CSN2: variants seen among roughly 807,000 people sequenced by gnomAD.
CSN2 encodes beta-casein.
CSN2 carries 27 observed loss-of-function variants against 27.3 expected under a neutral mutation model. The observed-to-expected ratio is 0.99, with a 90% CI of 0.73 to 1.36. The LOEUF is 1.36. Among genes scored for constraint, CSN2 ranks in the 40% most tolerant of loss-of-function variants. The pLI is 0.00. For missense variants in CSN2, 333 were observed against 264.5 expected (o/e 1.26, Z -1.80); for synonymous variants, 131 against 94.8 (o/e 1.38, Z -2.22).
Position 69,957,431 on chromosome 4 carries a change from T to C in CSN2, c.518A>G (p.Gln173Arg). 6.2e-7 allele frequency: 1 copy of C among 1,613,472 alleles called. No homozygotes were observed. Residue 173 changes from glutamine (Q) to arginine (R), a missense_variant, in exon 6 of 8, where the codon CAG becomes CGG. By Grantham distance (43) the Gln-to-Arg change is conservative (BLOSUM62 1). Transcript: ENST00000353151. ...CTGGGGGATAGGCAGGACTTTGGGC[T>C]GAGGAACAGACCACAGGGGCTGAGG... ...LPPQPLWSVP[Q>R]PKVLPIPQQV...
chr4:69,960,180 C>G (rs917811067), intron 2 of CSN2, 101 bp from the exon 3 acceptor site: 3 of 1,042,602 alleles, frequency 2.9e-6, no homozygotes, highest in Middle Eastern at 2.3e-4. Context: ...ATAATCTCAC[C>G]TCAGAGGATG....
intron 1 of CSN2, among the ~76,000 whole-genome samples, 102 bp downstream of exon 1, chr4:69,965,579 C>T (rs1354708679): frequency 1.3e-5 from 2 of 151,298 alleles, no homozygotes; most frequent in African/African-American, 4.9e-5. Flanking sequence ...ACTTTTATTT[C>T]AAACACTATA....
intron 3 of CSN2, among the ~76,000 whole-genome samples, chr4:69,959,630 T>A (rs975899208): frequency 5.9e-5 from 9 of 152,222 alleles, no homozygotes; most frequent in African/African-American, 1.9e-4. Context: ...AATTATAAAA[T>A]GTGTCCTTTT....
intron 5 of CSN2, among the ~76,000 whole-genome samples, chr4:69,958,390 A>G (rs1723469746): frequency 1.3e-5 from 2 of 152,076 alleles, no homozygotes; most frequent in South Asian, 4.1e-4. Flanking sequence ...TTTAAATTTG[A>G]TTTTAGAAAT....
chr4:69,962,186 C>G (rs1363847839), intron 1 of CSN2, among the ~76,000 whole-genome samples: 2 of 152,110 alleles, frequency 1.3e-5, no homozygotes, highest in African/African-American at 2.4e-5. Flanking sequence ...TCAATGCCAT[C>G]CCCATTAAGC....
At chr4:69,959,739 T>C (rs1032498860) in intron 3 of CSN2, among the ~76,000 whole-genome samples, 5 of 151,864 alleles carry the variant, frequency 3.3e-5, no homozygotes, top group Non-Finnish European at 5.9e-5. Context: ...GTCTGACCCA[T>C]AGAAGGCCGT....
At chr4:69,957,198 T>C in intron 6 of CSN2, 76 bp downstream of exon 6, 1 of 1,375,576 alleles carries the variant, frequency 7.3e-7, no homozygotes, top group Non-Finnish European at 9.8e-7. Flanking sequence ...ATTCATTTAC[T>C]CTACATTTAT....
chr4:69,958,466 T>A (rs1352008902), intron 5 of CSN2, among the ~76,000 whole-genome samples: 1 of 152,164 alleles, frequency 6.6e-6, no homozygotes, highest in Non-Finnish European at 1.5e-5. Flanking sequence ...TGGGTAAACA[T>A]ATCACCATAA....
intron 1 of CSN2, among the ~76,000 whole-genome samples, chr4:69,962,347 C>T (rs1344363162): frequency 6.6e-6 from 1 of 152,132 alleles, no homozygotes; most frequent in Non-Finnish European, 1.5e-5. Context: ...TACAAGGCTA[C>T]AGTAACCAAA....
intron 1 of CSN2, among the ~76,000 whole-genome samples, chr4:69,961,922 A>C (rs967944134): frequency 1.3e-5 from 2 of 152,206 alleles, no homozygotes; most frequent in Admixed American, 1.3e-4. Context: ...AATCACAAGC[A>C]TTCATATACA....
Position 69,957,454 on chromosome 4 carries a change from A to T in CSN2, c.495T>A (p.Pro165=), listed in dbSNP as rs768798471. The T allele has an allele frequency of 6.2e-7, 1 of 1,613,690 alleles. No homozygotes were observed. The highest frequency in any genetic ancestry group is 8.5e-7 in the Non-Finnish European group (1 of 1,179,912). The change falls in exon 6 of 8, where the codon CCT becomes CCA. Residue 165 remains proline, a synonymous_variant. Coordinates refer to ENST00000353151, the MANE Select transcript of CSN2 (RefSeq NM_001891.4). ...GCTGAGGAACAGACCACAGGGGCTG[A>T]GGGGGAAGTGCAAGAGTCTGAGGAA... ...QPIPQTLALP[P]QPLWSVPQPK... is the part of the protein sequence containing the mutation.
chr4:69,959,812 T>C (rs1560398433), intron 3 of CSN2, among the ~76,000 whole-genome samples: 2 of 151,564 alleles, frequency 1.3e-5, no homozygotes, highest in Non-Finnish European at 2.9e-5. Context: ...AACAGGACAA[T>C]ATGGTTCATT....
At chr4:69,961,292 C>A (rs1222544850) in intron 1 of CSN2, among the ~76,000 whole-genome samples, 3 of 151,998 alleles carry the variant, frequency 2.0e-5, no homozygotes, top group East Asian at 1.9e-4. Flanking sequence ...TTAAAAAAGT[C>A]CCATTTACAG....
intron 1 of CSN2, among the ~76,000 whole-genome samples, chr4:69,962,139 A>G (rs1007644737): frequency 4.6e-5 from 7 of 152,124 alleles, no homozygotes; most frequent in African/African-American, 7.2e-5. Flanking sequence ...AATCAATATC[A>G]TGAAAATGGC....
intron 6 of CSN2, 152 bp downstream of exon 6, chr4:69,957,122 G>A (rs1723422656): frequency 1.3e-6 from 1 of 780,370 alleles, no homozygotes; most frequent in South Asian, 2.3e-5. Flanking sequence ...CCTGCATGTT[G>A]TGCACATGTA....
At chr4:69,960,661 CA>C (rs1392064434) in intron 2 of CSN2, among the ~76,000 whole-genome samples, 2 of 151,930 alleles carry the variant, frequency 1.3e-5, no homozygotes, top group African/African-American at 4.8e-5. Flanking sequence ...TGTATTTATG[CA>C]ATATTATATT....
At chr4:69,965,407 ACTATAT>A (rs1560401540) in intron 1 of CSN2, among the ~76,000 whole-genome samples, 1 of 60,318 alleles carries the variant, frequency 1.7e-5, no homozygotes, top group East Asian at 4.0e-4. Flanking sequence ...CTAGCCTCAT[ACTATAT>A]ATATATATAT....
Position 69,957,603 on chromosome 4 carries a change from G to A in CSN2, c.346C>T (p.Pro116Ser), listed in dbSNP as rs200412722. 1 of 1,613,878 alleles carries A rather than the reference G, an allele frequency of 6.2e-7. No homozygotes were observed. Among genetic ancestry groups the A allele is most frequent in the Admixed American group, 1.7e-5 (1 of 59,924 alleles). The change falls in exon 6 of 8, where the codon CCT (proline) becomes TCT (serine). Residue 116 changes from proline to serine, a missense_variant. Coordinates refer to ENST00000353151, the MANE Select transcript of CSN2 (RefSeq NM_001891.4). ...GGTATCGTTGGAGATTTAAGGACAGGCATCACTCTGCCCTTAGTGTAGACA... is the reference window on the plus strand; with the variant it reads ...GGTATCGTTGGAGATTTAAGGACAGACATCACTCTGCCCTTAGTGTAGACA... ...DTVYTKGRVMPVLKSPTIPFF... is the reference protein window; with the variant it reads ...DTVYTKGRVMSVLKSPTIPFF...
At chr4:69,960,874 G>T in intron 2 of CSN2, 71 bp downstream of exon 2, 1 of 1,195,150 alleles carries the variant, frequency 8.4e-7, no homozygotes, top group African/African-American at 1.5e-5. Flanking sequence ...TGTTGGTGAT[G>T]TTATTCTCTA....
Sources: gnomAD v4.1 joint callset for allele counts (sites outside exome capture counted in the v4.1 genomes callset) on GRCh38, gnomAD v4.1.1 for gene constraint, MANE v1.5 for transcripts, NCBI Gene and HGNC (gene_info 2026-07-23, HGNC 2026-07-21) for gene names.